Variants in ERAP1 observed in about 807,000 individuals in gnomAD.
ERAP1 encodes the protein adipocyte-derived leucine aminopeptidase.
ERAP1 carries 86 observed loss-of-function variants against 103.7 expected under a neutral mutation model. The ratio of observed to expected loss-of-function variants is 0.83; its 90% CI spans 0.70 to 0.99. ERAP1 has a LOEUF of 0.99. Among genes scored for constraint, ERAP1 ranks in the 50% least tolerant of loss-of-function variants. The pLI, the probability that ERAP1 is intolerant of heterozygous loss-of-function variation, is 0.00. For synonymous variants in ERAP1, 398 were observed against 402.4 expected (o/e 0.99, Z 0.13); for missense variants, 1,009 against 1,128.4 (o/e 0.89, Z 1.52).
chr5:96,928,371 A>C, the ERAP1 span, among the ~76,000 whole-genome samples: 1 of 152,210 alleles, frequency 6.6e-6, no homozygotes, highest in Non-Finnish European at 1.5e-5. Context: ...TTGCAGATGT[A>C]TTAGTTAAGA....
the ERAP1 span, among the ~76,000 whole-genome samples, chr5:96,870,397 A>C: frequency 1.3e-5 from 2 of 152,220 alleles, no homozygotes; most frequent in Admixed American, 1.3e-4. Context: ...GGTCCTGGCT[A>C]ATATGAATGA....
chr5:96,847,570 A>C, the ERAP1 span, among the ~76,000 whole-genome samples: 11 of 152,232 alleles, frequency 7.2e-5, no homozygotes, highest in African/African-American at 2.7e-4. Flanking sequence ...AGGTCATGTT[A>C]AACCACAATC....
chr5:96,772,841 T>C (rs1772952793), downstream of ERAP1: 1 of 153,100 alleles, frequency 6.5e-6, no homozygotes, highest in African/African-American at 2.4e-5. Flanking sequence ...TTGATAAACT[T>C]TGAATTTTTT....
At chr5:96,903,562 T>C in the ERAP1 span, 8 of 1,589,308 alleles carry the variant, frequency 5.0e-6, no homozygotes, top group Non-Finnish European at 6.8e-6. Context: ...GCTAGTTGGG[T>C]AAGGCAACAT....
chr5:96,923,996 A>C, the ERAP1 span, among the ~76,000 whole-genome samples: 10,684 of 152,252 alleles, frequency 0.07, 443 homozygotes, highest in Middle Eastern at 0.15. Flanking sequence ...GTAGGAGGAA[A>C]TTAAGGGCAG....
chr5:96,929,077 T>C, the ERAP1 span, among the ~76,000 whole-genome samples: 17 of 152,140 alleles, frequency 1.1e-4, no homozygotes, highest in Non-Finnish European at 2.2e-4. Flanking sequence ...CCACAAGGGA[T>C]AAAGCAAGGG....
chr5:96,797,659 C>T (rs1000903041), intron 3 of ERAP1, among the ~76,000 whole-genome samples: 1 of 152,208 alleles, frequency 6.6e-6, no homozygotes, highest in Admixed American at 6.5e-5. Context: ...GAGCCAGACC[C>T]TGTCTAATGA....
upstream of ERAP1, among the ~76,000 whole-genome samples, chr5:96,810,041 A>G (rs937058469): frequency 2.6e-5 from 4 of 152,206 alleles, no homozygotes; most frequent in Non-Finnish European, 5.9e-5. Context: ...AAAGGAGCTG[A>G]AGTGTAGGCG....
the ERAP1 span, among the ~76,000 whole-genome samples, chr5:96,846,460 A>G: frequency 6.6e-6 from 1 of 152,224 alleles, no homozygotes; most frequent in Non-Finnish European, 1.5e-5. Context: ...GCCAGGTATT[A>G]GTACTTTTTG....
chr5:96,786,472 GT>G lies in ERAP1; in HGVS notation c.1756del (p.Thr586GlnfsTer19), dbSNP rs766579376. On this transcript the variant is annotated frameshift_variant, in exon 12 of 19. Transcript: ENST00000443439. LOFTEE classifies it high-confidence loss of function. ...MVHRFLLKTK[T>X]DVLILPEEVE... Reference sequence around the variant, plus strand: ...TAGTAGTTTCCAAAATAAATTACCTGTTTTTGTTTTTAGCAAAAATCGATGG... The same window carrying G: ...TAGTAGTTTCCAAAATAAATTACCTGTTTTGTTTTTAGCAAAAATCGATGG... The G allele has an allele frequency of 6.2e-7, 1 of 1,603,722 alleles. No individual in the cohort carries two copies. The highest frequency in any genetic ancestry group is 8.5e-7 in the Non-Finnish European group (1 of 1,171,196).
chr5:96,877,785 A>G, the ERAP1 span, among the ~76,000 whole-genome samples: 3 of 152,206 alleles, frequency 2.0e-5, no homozygotes, highest in East Asian at 5.8e-4. Context: ...GAGTGTACTT[A>G]TCAGACGTTC....
chr5:96,811,598 C>A, upstream of ERAP1, among the ~76,000 whole-genome samples: 1 of 152,158 alleles, frequency 6.6e-6, no homozygotes, highest in East Asian at 1.9e-4. Context: ...TCAAGAGGAC[C>A]AATGCTTTCC....
At chr5:96,900,988 G>T in the ERAP1 span, among the ~76,000 whole-genome samples, 1 of 152,130 alleles carries the variant, frequency 6.6e-6, no homozygotes, top group Admixed American at 6.6e-5. Context: ...TCTAAAGGAA[G>T]GTTCAGCATC....
At chr5:96,916,346 T>C in the ERAP1 span, among the ~76,000 whole-genome samples, 1 of 152,056 alleles carries the variant, frequency 6.6e-6, no homozygotes, top group African/African-American at 2.4e-5. Flanking sequence ...GGTGAGCCCT[T>C]TTGTATTATT....
upstream of ERAP1, among the ~76,000 whole-genome samples, chr5:96,810,585 A>G (rs567837204): frequency 4.6e-5 from 7 of 152,306 alleles, no homozygotes; most frequent in African/African-American, 1.7e-4. Context: ...AAACACTAAT[A>G]TTGTATACCA....
At chr5:96,891,485 G>A in the ERAP1 span, among the ~76,000 whole-genome samples, 382 of 90,812 alleles carry the variant, frequency 4.2e-3, 6 homozygotes, top group Admixed American at 0.038. Context: ...ATATATATAT[G>A]TGTGTGTGTG....
At chr5:96,918,281 T>G in the ERAP1 span, 1 of 152,334 alleles carries the variant, frequency 6.6e-6, no homozygotes, top group Admixed American at 6.5e-5. Flanking sequence ...CTATTTTGCT[T>G]CTTTAATTTT....
At chr5:96,816,673 C>T in the ERAP1 span, among the ~76,000 whole-genome samples, 3 of 152,090 alleles carry the variant, frequency 2.0e-5, no homozygotes, top group Non-Finnish European at 4.4e-5. Context: ...CTTAGGCATG[C>T]GTAGATATAG....
chr5:96,907,894 A>AT, the ERAP1 span, among the ~76,000 whole-genome samples: 1,917 of 151,204 alleles, frequency 0.013, 18 homozygotes, highest in East Asian at 0.021. Context: ...AAAAAAAAAA[A>AT]ATATATATAT....
Sources: gnomAD v4.1 joint callset for allele counts (sites outside exome capture counted in the v4.1 genomes callset) on GRCh38, gnomAD v4.1.1 for gene constraint, MANE v1.5 for transcripts, NCBI Gene and HGNC (gene_info 2026-07-23, HGNC 2026-07-21) for gene names.